The following ZNF718 variants were observed in gnomAD, a reference collection of about 807,000 sequenced individuals.
ZNF718 encodes zinc finger protein 718.
ZNF718 carries 3 observed loss-of-function variants against 2.6 expected under a neutral mutation model. The observed-to-expected ratio is 1.16, with a 90% CI of 0.53 to 3.01. The LOEUF (loss-of-function observed/expected upper bound fraction) is 3.01. Ranked by LOEUF, ZNF718 falls within the 30% of genes most tolerant of loss-of-function variation. The probability of loss-of-function intolerance (pLI) is 0.03; values close to 1 mark genes in which losing one functional copy is unlikely to be tolerated. For synonymous variants in ZNF718, 135 were observed against 77.9 expected (o/e 1.73, Z -3.86); for missense variants, 468 against 230.0 (o/e 2.03, Z -6.69).
At chr4:151,758 C>T (rs1553812586) in intron 3 of ZNF718, among the ~76,000 whole-genome samples, 1 of 151,904 alleles carries the variant, frequency 6.6e-6, no homozygotes, top group Non-Finnish European at 1.5e-5. Context: ...GGTGGGTTGC[C>T]CCTACACACC....
chr4:185,160 A>C (rs1553820326), intron 3 of ZNF718, among the ~76,000 whole-genome samples: 1 of 152,128 alleles, frequency 6.6e-6, no homozygotes, highest in Non-Finnish European at 1.5e-5. Flanking sequence ...TTTTCTCTTA[A>C]CACTGCTTTA....
At chr4:146,736 A>T (rs926883915) in intron 3 of ZNF718, among the ~76,000 whole-genome samples, 2 of 151,556 alleles carry the variant, frequency 1.3e-5, no homozygotes, top group African/African-American at 2.4e-5. Context: ...AAAAATTTCT[A>T]ATTAGAAACT....
Position 124,530 on chromosome 4 carries a change from C to T in ZNF718, c.-141C>T. 2.5e-6 allele frequency: 3 copies of T among 1,197,294 alleles called. No individual in the cohort carries two copies. Among genetic ancestry groups the T allele is most frequent in the South Asian group, 2.4e-5 (2 of 82,814 alleles). 74.2% of individuals were successfully genotyped at this position (1,197,294 alleles called of 1,614,324 possible). ...TTTGCTTGTAGCTCCAGCCAGAGCT[C>T]GGTTAGGGCCTCATCGCTCTGCTCC... On this transcript the variant is annotated 5_prime_UTR_variant, in exon 1 of 4. Transcript: ENST00000510175.
chr4:143,829 A>T (rs182056652), intron 3 of ZNF718, among the ~76,000 whole-genome samples: 1 of 152,266 alleles, frequency 6.6e-6, no homozygotes, highest in East Asian at 1.9e-4. Context: ...TAGACAGAAC[A>T]GGGCGAGAGT....
Position 153,925 on chromosome 4 carries a change from A to G in ZNF718, c.227-6987A>G, listed in dbSNP as rs116449137. On this transcript the variant is annotated intron_variant, in intron 3 of 3. Transcript: ENST00000510175. ...TGTGTATGACAATATTCAACTGTGT[A>G]CACTATAAGACAGTGATATGGTTTG... is the stretch of plus-strand genomic sequence containing the variant. Among the ~76,000 whole-genome samples the G allele has an allele frequency of 3.1e-3, 477 of 152,316 alleles. 5 individuals carry two copies. The highest frequency in any genetic ancestry group is 0.011 in the African/African-American group (459 of 41,570).
chr4:189,131 G>C (rs1215985049), intron 3 of ZNF718, among the ~76,000 whole-genome samples: 3 of 149,038 alleles, frequency 2.0e-5, no homozygotes, highest in African/African-American at 7.4e-5. Context: ...TGCAATCTCG[G>C]CCCACTGCAA....
chr4:139,441 C>T (rs1447366383), intron 3 of ZNF718, among the ~76,000 whole-genome samples: 3 of 152,214 alleles, frequency 2.0e-5, no homozygotes, highest in East Asian at 1.9e-4. Context: ...CCACTTCACA[C>T]TTCACCTTTC....
intron 3 of ZNF718, among the ~76,000 whole-genome samples, chr4:142,360 C>T (rs1200270015): frequency 2.6e-5 from 4 of 152,164 alleles, no homozygotes; most frequent in Non-Finnish European, 5.9e-5. Context: ...TTGCAGCCAG[C>T]CTTATATATG....
chr4:124,929 A>C (rs1553807671), intron 1 of ZNF718: 1 of 428,122 alleles, frequency 2.3e-6, no homozygotes, highest in Non-Finnish European at 4.2e-6. Flanking sequence ...CTCATCCGGA[A>C]GACACCGCGG....
intron 3 of ZNF718, among the ~76,000 whole-genome samples, chr4:140,786 A>G (rs782478968): frequency 6.6e-6 from 1 of 152,240 alleles, no homozygotes; most frequent in Non-Finnish European, 1.5e-5. Context: ...TATGTCTACC[A>G]AATTGGCTTA....
At chr4:145,776 C>T (rs943129818) in intron 3 of ZNF718, among the ~76,000 whole-genome samples, 1 of 152,012 alleles carries the variant, frequency 6.6e-6, no homozygotes, top group Non-Finnish European at 1.5e-5. Flanking sequence ...TTTAAAAAAA[C>T]CAAACAGCTT....
At chr4:200,765 G>A (rs923571620) in intron 3 of ZNF718, among the ~76,000 whole-genome samples, 1 of 152,036 alleles carries the variant, frequency 6.6e-6, no homozygotes, top group South Asian at 2.1e-4. Flanking sequence ...AAGAGCAGCT[G>A]TACATTTCAC....
At chr4:139,662 T>C (rs1715725146) in intron 3 of ZNF718, among the ~76,000 whole-genome samples, 1 of 152,206 alleles carries the variant, frequency 6.6e-6, no homozygotes, top group South Asian at 2.1e-4. Flanking sequence ...TCCAATTCTT[T>C]GTTAAAGACG....
At position 163,548 on chromosome 4, in the gene ZNF718, T is replaced by C. The variant is rs182547791; in HGVS notation, c.*1426T>C. The C allele has an allele frequency of 3.3e-5, 5 of 152,294 alleles. No homozygotes were observed. Among genetic ancestry groups the C allele is most frequent in the Admixed American group, 6.5e-5 (1 of 15,292 alleles). The allele number at this position is 152,294 out of a possible 1,614,324, so 9.4% of individuals were successfully genotyped here. On this transcript the variant is annotated 3_prime_UTR_variant, in exon 4 of 4. Coordinates refer to ENST00000510175, the MANE Select transcript of ZNF718 (RefSeq NM_001039127.6). Reference sequence around the variant, plus strand: ...TGCATACATCTTTGTGGTTGACTTATCATTGCATGATGCATGACGTACATG... The same window carrying C: ...TGCATACATCTTTGTGGTTGACTTACCATTGCATGATGCATGACGTACATG...
intron 3 of ZNF718, among the ~76,000 whole-genome samples, chr4:197,211 C>A (rs1212977130): frequency 6.6e-6 from 1 of 151,938 alleles, no homozygotes; most frequent in African/African-American, 2.4e-5. Flanking sequence ...GACCTGGGAG[C>A]CTTTCACCCA....
chr4:166,361 A>G (rs1266454793), downstream of ZNF718, among the ~76,000 whole-genome samples: 7 of 152,326 alleles, frequency 4.6e-5, no homozygotes, highest in African/African-American at 1.4e-4. Flanking sequence ...TTGGGTATAT[A>G]CCCAGTAATG....
intron 3 of ZNF718, among the ~76,000 whole-genome samples, chr4:182,991 C>CA (rs1717498223): frequency 6.6e-6 from 1 of 152,096 alleles, no homozygotes; most frequent in South Asian, 2.1e-4. Context: ...TGTGCAGAAG[C>CA]TCTTTAGTTT....
chr4:173,521 A>G (rs1717282466), intron 3 of ZNF718, among the ~76,000 whole-genome samples: 1 of 152,236 alleles, frequency 6.6e-6, no homozygotes, highest in African/African-American at 2.4e-5. Context: ...ACTAGGAAAG[A>G]AACCAATAGT....
Position 161,990 on chromosome 4 carries a change from C to T in ZNF718, c.1305C>T (p.Ser435=). ...AATGTGGCAAAGCCTTTAAACAGTC[C>T]TCACACTTGAATAAACATAAGAAAA... The part of the protein sequence containing the change: ...CKQCGKAFKQ[S]SHLNKHKKIH... Residue 435 remains serine, a synonymous_variant, in exon 4 of 4, where the codon TCC becomes TCT. Coordinates refer to ENST00000510175, the MANE Select transcript of ZNF718 (RefSeq NM_001039127.6). 1.3e-6 allele frequency: 1 copy of T among 779,728 alleles called. No individual in the cohort carries two copies. The highest frequency in any genetic ancestry group is 2.4e-6 in the Non-Finnish European group (1 of 417,378). The allele number at this position is 779,728 out of a possible 1,614,324, so 48.3% of individuals were successfully genotyped here.
Sources: allele counts gnomAD v4.1 joint callset (sites outside exome capture counted in the v4.1 genomes callset), GRCh38; gene constraint gnomAD v4.1.1; transcripts MANE v1.5; gene names NCBI Gene and HGNC (gene_info 2026-07-23, HGNC 2026-07-21).